TCF7L2: variants seen among roughly 807,000 people sequenced by gnomAD.
TCF7L2 encodes the protein transcription factor 7-like 2.
Under a neutral mutation model 77.9 loss-of-function variants are expected in TCF7L2, and 23 were observed. That is an observed-to-expected ratio of 0.30 (90% CI 0.21 to 0.42). TCF7L2 has a LOEUF of 0.42. Among genes scored for constraint, TCF7L2 ranks in the 10% least tolerant of loss-of-function variants. TCF7L2 has a pLI of 1.00. For missense variants in TCF7L2, 654 were observed against 793.1 expected (o/e 0.82, Z 2.11); for synonymous variants, 413 against 340.2 (o/e 1.21, Z -2.36).
intron 5 of TCF7L2, among the ~76,000 whole-genome samples, chr10:113,130,433 A>C (rs1018658059): frequency 6.6e-6 from 1 of 152,236 alleles, no homozygotes; most frequent in African/African-American, 2.4e-5. Flanking sequence ...TAAAAGCTTG[A>C]AAGTTTTGAG....
rs1006414067 is a variant in TCF7L2, at chr10:113,166,598, T to G, written c.*626T>G. ...GGGGGGAGGGGACGCTACTCAACACTTAATAGAATCACAACGCTGTTGGGC... is the reference window on the plus strand; with the variant it reads ...GGGGGGAGGGGACGCTACTCAACACGTAATAGAATCACAACGCTGTTGGGC... On this transcript the variant is annotated 3_prime_UTR_variant, in exon 14 of 14. Coordinates refer to ENST00000627217, the MANE Select transcript of TCF7L2 (RefSeq NM_001146274.2). 4.4e-6 allele frequency: 1 copy of G among 229,488 alleles called. No homozygotes were observed. Among genetic ancestry groups the G allele is most frequent in the African/African-American group, 2.2e-5 (1 of 45,146 alleles). The allele number at this position is 229,488 out of a possible 1,614,324, so 14.2% of individuals were successfully genotyped here.
intron 5 of TCF7L2, among the ~76,000 whole-genome samples, chr10:113,085,545 G>T (rs2135536463): frequency 6.6e-6 from 1 of 152,324 alleles, no homozygotes; most frequent in South Asian, 2.1e-4. Flanking sequence ...ATTAGCGTTT[G>T]AATATTACCC....
chr10:112,956,283 CA>C (rs2033575734), intron 3 of TCF7L2, among the ~76,000 whole-genome samples: 2 of 148,366 alleles, frequency 1.3e-5, no homozygotes, highest in South Asian at 4.2e-4. Flanking sequence ...CTCTCCTGCA[CA>C]GGAAGTAGAT....
rs398014821 is a variant in TCF7L2, at chr10:113,107,752, TAAAA to T, written c.553-33411_553-33408del. Among the ~76,000 whole-genome samples, 9 of 55,262 alleles carry T rather than the reference TAAAA, an allele frequency of 1.6e-4. No individual in the cohort carries two copies. The South Asian group carries it at 3.1e-3, about 19-fold the overall frequency. 36.3% of individuals were successfully genotyped at this position (55,262 alleles called of 152,430 possible). A position where few individuals can be genotyped will look rare whatever the true frequency, so the allele number is the denominator to read the frequency against. On this transcript the variant is annotated intron_variant, in intron 5 of 13. Transcript: ENST00000627217. ...CTGGGCGACCGAGCGAGACTCCGTC[TAAAA>T]AAAAAAAAAAAAAAAAAAAACAACA...
rs558551129 is a variant in TCF7L2 at position 112,983,054 on chromosome 10, G to A, written c.450+18430G>A. ...ATAATTATTATTTAGCTTCTGATGG[G>A]CATGAAATTAGTGACAGCAAGGCAG... is the stretch of plus-strand genomic sequence containing the variant. On this transcript the variant is annotated intron_variant, in intron 4 of 13. Coordinates refer to ENST00000627217, the MANE Select transcript of TCF7L2 (RefSeq NM_001146274.2). 2.6e-5 allele frequency among the ~76,000 whole-genome samples: 4 copies of A among 152,288 alleles called. No individual in the cohort carries two copies. In the East Asian group the frequency reaches 7.7e-4, roughly 29 times the overall value.
chr10:113,007,850 C>T (rs990727316), intron 4 of TCF7L2, among the ~76,000 whole-genome samples: 9 of 152,284 alleles, frequency 5.9e-5, no homozygotes, highest in East Asian at 3.9e-4. Flanking sequence ...GCCCCGATTC[C>T]GGGACTTGCT....
At chr10:112,984,010 T>G (rs1361914899) in intron 4 of TCF7L2, among the ~76,000 whole-genome samples, 1 of 152,200 alleles carries the variant, frequency 6.6e-6, no homozygotes, top group Non-Finnish European at 1.5e-5. Flanking sequence ...ACAACCGTTG[T>G]TTTCTTTACA....
intron 5 of TCF7L2, among the ~76,000 whole-genome samples, chr10:113,102,957 C>T (rs1423625685): frequency 6.6e-6 from 1 of 152,236 alleles, no homozygotes; most frequent in African/African-American, 2.4e-5. Flanking sequence ...TAGTCGCTAA[C>T]ATGTACTCAG....
intron 4 of TCF7L2, among the ~76,000 whole-genome samples, chr10:112,979,800 G>A (rs1203949655): frequency 3.9e-5 from 6 of 151,900 alleles, no homozygotes; most frequent in Admixed American, 1.3e-4. Flanking sequence ...AGACCTCACA[G>A]TTATGTTTCA....
At chr10:113,073,099 C>CCTGTGTGTGTGTGT (rs145753150) in intron 5 of TCF7L2, among the ~76,000 whole-genome samples, 14 of 103,962 alleles carry the variant, frequency 1.3e-4, no homozygotes, top group East Asian at 4.9e-4. Context: ...AGGGCCAGGT[C>CCTGTGTGTGTGTGT]GTGTGTGTGT....
intron 5 of TCF7L2, among the ~76,000 whole-genome samples, chr10:113,137,312 G>C (rs2136698240): frequency 6.6e-6 from 1 of 152,274 alleles, no homozygotes; most frequent in Non-Finnish European, 1.5e-5. Flanking sequence ...GTCATCATTA[G>C]TATTTATCAG....
chr10:112,986,322 G>T (rs1286876763), intron 4 of TCF7L2, among the ~76,000 whole-genome samples: 2 of 152,124 alleles, frequency 1.3e-5, no homozygotes, highest in Admixed American at 1.3e-4. Flanking sequence ...CGCTCTGAGA[G>T]TACAGGCTTG....
At chr10:112,975,297 C>T (rs1589875726) in intron 4 of TCF7L2, among the ~76,000 whole-genome samples, 1 of 152,172 alleles carries the variant, frequency 6.6e-6, no homozygotes, top group East Asian at 1.9e-4. Context: ...ACATTCCACC[C>T]AGATTGAGGC....
intron 3 of TCF7L2, among the ~76,000 whole-genome samples, chr10:112,957,712 C>T (rs6585194): frequency 3.3e-5 from 5 of 151,872 alleles, no homozygotes; most frequent in Non-Finnish European, 5.9e-5. Flanking sequence ...CCCTTCATTA[C>T]CCAGGGTGTT....
chr10:113,097,215 C>T (rs2061089644), intron 5 of TCF7L2, among the ~76,000 whole-genome samples: 1 of 152,146 alleles, frequency 6.6e-6, no homozygotes, highest in Non-Finnish European at 1.5e-5. Context: ...GCCAGGGTGA[C>T]AGATGAGAAG....
intron 4 of TCF7L2, among the ~76,000 whole-genome samples, chr10:112,973,204 G>A (rs1004796983): frequency 1.3e-5 from 2 of 152,236 alleles, no homozygotes; most frequent in Non-Finnish European, 2.9e-5. Context: ...AGGGTGTCAG[G>A]TTCTGTAAGC....
intron 4 of TCF7L2, among the ~76,000 whole-genome samples, chr10:113,009,590 A>G (rs978638657): frequency 2.6e-5 from 4 of 152,200 alleles, no homozygotes; most frequent in Admixed American, 2.0e-4. Context: ...GTGTTGAGGA[A>G]ACACCCACCT....
intron 5 of TCF7L2, among the ~76,000 whole-genome samples, chr10:113,046,229 A>G (rs1033909079): frequency 3.3e-5 from 5 of 152,142 alleles, no homozygotes; most frequent in Non-Finnish European, 7.4e-5. Flanking sequence ...TCCCATCAAG[A>G]AGGATTGTGT....
intron 13 of TCF7L2, among the ~76,000 whole-genome samples, chr10:113,161,064 T>A (rs1473398133): frequency 4.6e-5 from 7 of 152,216 alleles, no homozygotes; most frequent in Admixed American, 3.9e-4. Context: ...AAGGTTTGAA[T>A]GAGTTAACAC....
Sources: allele counts gnomAD v4.1 joint callset (sites outside exome capture counted in the v4.1 genomes callset), GRCh38; gene constraint gnomAD v4.1.1; transcripts MANE v1.5; gene names NCBI Gene and HGNC (gene_info 2026-07-23, HGNC 2026-07-21).